The following MTMR7 variants were observed in gnomAD, a reference collection of about 807,000 sequenced individuals.
MTMR7 encodes myotubularin related protein 7.
MTMR7 carries 76 observed loss-of-function variants against 81.2 expected under a neutral mutation model. The ratio of observed to expected loss-of-function variants is 0.94; its 90% CI spans 0.78 to 1.13. The LOEUF (loss-of-function observed/expected upper bound fraction) is 1.13, where lower values mean the gene tolerates loss of function less well. MTMR7 is among the 50% of genes most tolerant of loss of function. MTMR7 has a pLI of 0.00. For missense variants in MTMR7, 1,044 were observed against 820.0 expected, an observed-to-expected ratio of 1.27 and a Z score of -3.34; for synonymous variants, 372 against 289.8, an observed-to-expected ratio of 1.28 and a Z score of -2.88.
At chr8:17,311,221 T>C (rs1175112161) in intron 9 of MTMR7, among the ~76,000 whole-genome samples, 3 of 152,140 alleles carry the variant, frequency 2.0e-5, no homozygotes, top group African/African-American at 7.2e-5. Context: ...AAATGATATA[T>C]AAAATTGGCT....
chr8:17,354,834 C>G (rs2150552401), intron 4 of MTMR7, among the ~76,000 whole-genome samples: 1 of 152,278 alleles, frequency 6.6e-6, no homozygotes, highest in South Asian at 2.1e-4. Context: ...AACTTGTGTT[C>G]TCTTGCTAAG....
At chr8:17,361,312 G>T (rs1028832984) in intron 3 of MTMR7, 38 bp from the exon 4 acceptor site, 2 of 1,611,272 alleles carry the variant, frequency 1.2e-6, no homozygotes, top group Non-Finnish European at 1.7e-6. Flanking sequence ...ATCAAGCTTA[G>T]TCAAAACCAG....
At chr8:17,332,115 G>T (rs1442721591) in intron 6 of MTMR7, among the ~76,000 whole-genome samples, 2 of 152,116 alleles carry the variant, frequency 1.3e-5, no homozygotes, top group Non-Finnish European at 2.9e-5. Context: ...TATTAAGCAG[G>T]TCATCACATC....
chr8:17,316,265 T>C (rs1818062967), intron 7 of MTMR7, among the ~76,000 whole-genome samples: 1 of 151,972 alleles, frequency 6.6e-6, no homozygotes, highest in African/African-American at 2.4e-5. Flanking sequence ...ATAATATATA[T>C]ATTTTATAGG....
chr8:17,370,942 C>A, intron 3 of MTMR7, 95 bp downstream of exon 3: 4 of 1,242,720 alleles, frequency 3.2e-6, no homozygotes, highest in Non-Finnish European at 4.5e-6. Context: ...AATCCCTGAA[C>A]CCCTATCATT....
At chr8:17,333,298 T>C (rs920426580) in intron 6 of MTMR7, among the ~76,000 whole-genome samples, 1 of 152,216 alleles carries the variant, frequency 6.6e-6, no homozygotes. Context: ...TTAAGAAGTA[T>C]AAATATTTTA....
At chr8:17,325,636 G>A (rs1223179339) in intron 7 of MTMR7, among the ~76,000 whole-genome samples, 2 of 152,292 alleles carry the variant, frequency 1.3e-5, no homozygotes, top group African/African-American at 4.8e-5. Context: ...CTGCTCCACT[G>A]TCAGGCTAAG....
intron 1 of MTMR7, among the ~76,000 whole-genome samples, chr8:17,374,358 C>T (rs1470381674): frequency 6.6e-6 from 1 of 152,222 alleles, no homozygotes; most frequent in Middle Eastern, 3.4e-3. Flanking sequence ...AGCGGTGGCT[C>T]ACGCCTGTAA....
chr8:17,368,150 C>G (rs1042211611), intron 3 of MTMR7, among the ~76,000 whole-genome samples: 1 of 152,066 alleles, frequency 6.6e-6, no homozygotes, highest in African/African-American at 2.4e-5. Context: ...AGCACACAAC[C>G]TAGATCCCTC....
In MTMR7 at chr8:17,304,384, C is replaced by T. The variant is rs373437625; in HGVS notation, c.1488G>A (p.Met496Ile). 1.2e-6 allele frequency: 2 copies of T among 1,611,800 alleles called. No individual in the cohort carries two copies. Among genetic ancestry groups the T allele is most frequent in the East Asian group, 2.2e-5 (1 of 44,792 alleles). Residue 496 changes from methionine to isoleucine, a missense_variant, in exon 12 of 14, where the codon ATG becomes ATA. Transcript: ENST00000180173. ...LHLPTTPCNF[M>I]YKFWSGMYNR... is the part of the protein sequence containing the mutation. ...GTTACCAAGGATTTACATACTTGTACATGAAGTTACATGGTGTTGTAGGGA... is the reference window on the plus strand; with the variant it reads ...GTTACCAAGGATTTACATACTTGTATATGAAGTTACATGGTGTTGTAGGGA...
At chr8:17,362,564 G>C (rs563614773) in intron 3 of MTMR7, among the ~76,000 whole-genome samples, 1 of 152,184 alleles carries the variant, frequency 6.6e-6, no homozygotes, top group Non-Finnish European at 1.5e-5. Flanking sequence ...TTACCGGAGA[G>C]TCCAGGTTTA....
intron 1 of MTMR7, among the ~76,000 whole-genome samples, chr8:17,399,872 C>CA (rs67618086): frequency 0.11 from 15,410 of 141,410 alleles, 2,260 homozygotes; most frequent in African/African-American, 0.34. Flanking sequence ...GACTCTGTCT[C>CA]AAAAAAAAAA....
intron 1 of MTMR7, among the ~76,000 whole-genome samples, chr8:17,381,616 C>T (rs1043302208): frequency 1.3e-5 from 2 of 152,138 alleles, no homozygotes; most frequent in African/African-American, 2.4e-5. Context: ...CACTGGCTAC[C>T]GGCTTTTCTC....
At chr8:17,410,789 G>T (rs766071061) in intron 1 of MTMR7, among the ~76,000 whole-genome samples, 1 of 152,174 alleles carries the variant, frequency 6.6e-6, no homozygotes, top group South Asian at 2.1e-4. Context: ...ATATTACACA[G>T]TCTACAGCGA....
At chr8:17,348,286 C>T (rs1237059913) in intron 5 of MTMR7, among the ~76,000 whole-genome samples, 1 of 151,944 alleles carries the variant, frequency 6.6e-6, no homozygotes, top group Non-Finnish European at 1.5e-5. Context: ...GCCTGTAATC[C>T]CAGCACTTTG....
At chr8:17,330,493 C>T (rs1818942583) in intron 7 of MTMR7, among the ~76,000 whole-genome samples, 1 of 152,272 alleles carries the variant, frequency 6.6e-6, no homozygotes, top group Non-Finnish European at 1.5e-5. Flanking sequence ...GCGGACTAAG[C>T]TGGTTTTGCT....
chr8:17,331,154 C>A lies in MTMR7; in HGVS notation c.861G>T (p.Leu287=). The change falls in exon 7 of 14, where the codon CTG becomes CTT. Residue 287 remains leucine (L), a synonymous_variant. Transcript: ENST00000180173. ...HVMRNSLQKM[L]EVCELKSPSM... The stretch of plus-strand genomic sequence containing the variant: ...GTGCATAAGGAAATGGTTTACCTTC[C>A]AGCATTTTCTGCAGACTGTTCCTCA... 1 of 1,609,896 alleles carries A rather than the reference C, an allele frequency of 6.2e-7. No individual in the cohort carries two copies. The highest frequency in any genetic ancestry group is 8.5e-7 in the Non-Finnish European group (1 of 1,178,828).
Position 17,313,404 on chromosome 8 carries a change from G to A in MTMR7, c.866-3C>T. 6.3e-7 allele frequency: 1 copy of A among 1,591,906 alleles called. No homozygotes were observed. The highest frequency in any genetic ancestry group is 2.2e-5 in the East Asian group (1 of 44,794). ...GGAGGGAGATTTAAGTTCACACACTGCAAGATAAATCATGTTATAAAAGCA... is the reference window on the plus strand; with the variant it reads ...GGAGGGAGATTTAAGTTCACACACTACAAGATAAATCATGTTATAAAAGCA... On this transcript the variant is annotated splice_region_variant and splice_polypyrimidine_tract_variant and intron_variant, in intron 7 of 13. Transcript: ENST00000180173.
chr8:17,402,741 T>C (rs895752727), intron 1 of MTMR7, among the ~76,000 whole-genome samples: 2 of 152,214 alleles, frequency 1.3e-5, no homozygotes, highest in African/African-American at 4.8e-5. Flanking sequence ...AGGTATCTCT[T>C]GGACATACTC....
Sources: gnomAD v4.1 joint callset for allele counts (sites outside exome capture counted in the v4.1 genomes callset) on GRCh38, gnomAD v4.1.1 for gene constraint, MANE v1.5 for transcripts, NCBI Gene and HGNC (gene_info 2026-07-23, HGNC 2026-07-21) for gene names.